The following PKD2 variants were observed in gnomAD, a reference collection of about 807,000 sequenced individuals.
The protein encoded by PKD2 is polycystin-2.
Under a neutral mutation model 105.9 loss-of-function variants are expected in PKD2, and 48 were observed. The ratio of observed to expected loss-of-function variants is 0.45; its 90% CI spans 0.36 to 0.58. PKD2 has a LOEUF of 0.58. PKD2 is among the 20% of genes least tolerant of loss of function. The pLI, the probability that PKD2 is intolerant of heterozygous loss-of-function variation, is 0.00. For synonymous variants in PKD2, 464 were observed against 481.1 expected, an observed-to-expected ratio of 0.96 and a Z score of 0.46; for missense variants, 1,078 against 1,255.3, an observed-to-expected ratio of 0.86 and a Z score of 2.13.
At chr4:88,021,813 C>T (rs1560599282) in intron 2 of PKD2, among the ~76,000 whole-genome samples, 1 of 152,246 alleles carries the variant, frequency 6.6e-6, no homozygotes, top group Non-Finnish European at 1.5e-5. Flanking sequence ...TCCAATTCAG[C>T]TCTTCGCAAG....
At chr4:88,055,197 T>G (rs1305978451) in intron 7 of PKD2, among the ~76,000 whole-genome samples, 1 of 152,218 alleles carries the variant, frequency 6.6e-6, no homozygotes, top group Non-Finnish European at 1.5e-5. Flanking sequence ...AGCTGACTCC[T>G]GGGGATAGAA....
At chr4:88,042,905 C>T (rs1022454199) in intron 4 of PKD2, among the ~76,000 whole-genome samples, 3 of 152,148 alleles carry the variant, frequency 2.0e-5, no homozygotes, top group Non-Finnish European at 4.4e-5. Context: ...CACAGTTACC[C>T]AGAGAAGGCA....
chr4:88,070,069 G>T (rs115162045), intron 13 of PKD2, among the ~76,000 whole-genome samples: 83 of 152,280 alleles, frequency 5.5e-4, no homozygotes, highest in African/African-American at 1.9e-3. Flanking sequence ...TCAGCATAAA[G>T]AATTTCCTTT....
In PKD2 at chr4:88,066,979, G is replaced by A. The variant is rs139632259; in HGVS notation, c.2359-919G>A. 1.1e-4 allele frequency among the ~76,000 whole-genome samples: 17 copies of A among 152,228 alleles called. No homozygotes were observed. In the East Asian group the frequency reaches 3.3e-3, roughly 29 times the overall value. ...TGAAATTTAAGCATAAAGAAAATGAGGAAAATTTTTACAAGGCTCTATTTA... is the reference window on the plus strand; with the variant it reads ...TGAAATTTAAGCATAAAGAAAATGAAGAAAATTTTTACAAGGCTCTATTTA... On this transcript the variant is annotated intron_variant, in intron 12 of 14. Transcript: ENST00000237596.
chr4:88,012,886 G>GA (rs1726435042), intron 1 of PKD2, among the ~76,000 whole-genome samples: 1 of 152,066 alleles, frequency 6.6e-6, no homozygotes, highest in Non-Finnish European at 1.5e-5. Flanking sequence ...GTTTATCCAT[G>GA]CGTGCAAATT....
chr4:88,054,780 G>C (rs1438161206), intron 7 of PKD2, among the ~76,000 whole-genome samples: 11 of 148,806 alleles, frequency 7.4e-5, no homozygotes, highest in Non-Finnish European at 1.0e-4. Context: ...TCAGCCTCCC[G>C]AGTAGCTGGG....
At chr4:88,016,577 T>C (rs1726569612) in intron 1 of PKD2, among the ~76,000 whole-genome samples, 1 of 152,180 alleles carries the variant, frequency 6.6e-6, no homozygotes, top group Non-Finnish European at 1.5e-5. Flanking sequence ...TACCCTAAGA[T>C]TGGTCCTACA....
intron 11 of PKD2, 47 bp downstream of exon 11, chr4:88,065,542 G>A (rs1164876969): frequency 6.3e-7 from 1 of 1,587,422 alleles, no homozygotes; most frequent in Admixed American, 1.7e-5. Context: ...TGCTTCTAAA[G>A]ATAAATTCCT....
At chr4:88,060,224 G>T (rs1193117855) in intron 9 of PKD2, among the ~76,000 whole-genome samples, 1 of 152,218 alleles carries the variant, frequency 6.6e-6, no homozygotes, top group Non-Finnish European at 1.5e-5. Flanking sequence ...TTGGAAGAGA[G>T]AAGGTAGAAG....
chr4:88,030,832 A>G (rs1484304706), intron 2 of PKD2, among the ~76,000 whole-genome samples: 2 of 152,252 alleles, frequency 1.3e-5, no homozygotes, highest in Non-Finnish European at 2.9e-5. Flanking sequence ...AATGTTGACA[A>G]CATGGCCTGT....
chr4:88,046,712 C>G lies in PKD2; in HGVS notation c.1390C>G (p.Arg464Gly). 1 of 1,613,520 alleles carries G rather than the reference C, an allele frequency of 6.2e-7. No homozygotes were observed. The highest frequency in any genetic ancestry group is 1.7e-4 in the Middle Eastern group (1 of 6,054). ...SWQFQPLKLI[R>G]YVTTFDFFLA... ...GCAATTTCAGCCTTTAAAGCTGATC[C>G]GATATGTCACAACTTTTGATTTCTT... The change falls in exon 6 of 15, where the codon CGA becomes GGA. Residue 464 changes from arginine to glycine, a missense_variant. Arg to Gly is a moderately radical substitution (Grantham distance 125). Transcript: ENST00000237596.
At chr4:88,041,395 G>C (rs533077781) in intron 4 of PKD2, among the ~76,000 whole-genome samples, 1 of 152,222 alleles carries the variant, frequency 6.6e-6, no homozygotes, top group Non-Finnish European at 1.5e-5. Flanking sequence ...CCACCCCCAG[G>C]TTCAGTGATT....
chr4:88,048,686 C>G (rs1220210488), intron 6 of PKD2, among the ~76,000 whole-genome samples: 1 of 152,076 alleles, frequency 6.6e-6, no homozygotes, highest in East Asian at 1.9e-4. Context: ...GGTGTTGACC[C>G]CATCAGACCG....
chr4:88,046,967 A>C (rs1727798689), intron 6 of PKD2, 97 bp downstream of exon 6: 4 of 799,592 alleles, frequency 5.0e-6, no homozygotes, highest in Non-Finnish European at 9.0e-6. Flanking sequence ...TGATATTCCC[A>C]AAAAAGAATC....
intron 7 of PKD2, among the ~76,000 whole-genome samples, chr4:88,053,391 T>C (rs376688434): frequency 2.7e-4 from 41 of 152,314 alleles, no homozygotes; most frequent in African/African-American, 9.6e-4. Flanking sequence ...CCAGGCGCAG[T>C]GGCTCATGCC....
intron 2 of PKD2, among the ~76,000 whole-genome samples, chr4:88,034,131 T>A (rs1383435299): frequency 6.6e-6 from 1 of 152,182 alleles, no homozygotes; most frequent in Admixed American, 6.5e-5. Context: ...TAGTAAGTCA[T>A]ATAACACCTG....
Position 88,058,018 on chromosome 4 carries a change from A to G in PKD2, c.1934A>G (p.Asn645Ser), listed in dbSNP as rs1720428369. ...TTCCGTATCATTTTGGGCGATATCA[A>G]CTTTGCAGAGATTGAGGAAGCTAAT... ...TQFRIILGDI[N>S]FAEIEEANRV... The change falls in exon 9 of 15, where the codon AAC (asparagine) becomes AGC (serine). Residue 645 changes from asparagine to serine, a missense_variant. By Grantham distance (46) the Asn-to-Ser change is conservative (BLOSUM62 1). Around this residue, in one of 2 missense-constraint regions of PKD2, gnomAD observed 868 missense variants for 1,067.3 expected, o/e 0.81. Coordinates refer to ENST00000237596, the MANE Select transcript of PKD2 (RefSeq NM_000297.4). The G allele has an allele frequency of 1.9e-6, 3 of 1,591,994 alleles. No individual in the cohort carries two copies. Among genetic ancestry groups the G allele is most frequent in the Non-Finnish European group, 1.7e-6 (2 of 1,159,824 alleles).
chr4:88,031,643 T>C (rs926299800), intron 2 of PKD2, among the ~76,000 whole-genome samples: 1 of 152,206 alleles, frequency 6.6e-6, no homozygotes, highest in Non-Finnish European at 1.5e-5. Context: ...TTAACAGATA[T>C]ATATATCTAT....
intron 8 of PKD2, 32 bp downstream of exon 8, chr4:88,056,299 T>A: frequency 7.3e-7 from 1 of 1,376,630 alleles, no homozygotes; most frequent in South Asian, 1.2e-5. Context: ...AAGAAAAATT[T>A]AATCAGAGTT....
Sources: allele counts gnomAD v4.1 joint callset (sites outside exome capture counted in the v4.1 genomes callset), GRCh38; gene constraint gnomAD v4.1.1; regional missense constraint gnomAD v4.1.1; transcripts MANE v1.5; gene names NCBI Gene and HGNC (gene_info 2026-07-23, HGNC 2026-07-21).